Variants in MYH7 observed in about 807,000 individuals in gnomAD.
MYH7 encodes myosin-7.
In MYH7, 129 loss-of-function variants were observed where a neutral mutation model predicts 225.4. The ratio of observed to expected loss-of-function variants is 0.57; its 90% CI spans 0.50 to 0.66. The LOEUF (loss-of-function observed/expected upper bound fraction) is 0.66, where lower values mean the gene tolerates loss of function less well. Ranked by LOEUF, MYH7 falls within the 30% of genes least tolerant of loss-of-function variation. The pLI is 0.00. For synonymous variants in MYH7, 971 were observed against 1,007.6 expected (o/e 0.96, Z 0.69); for missense variants, 1,649 against 2,517.0 (o/e 0.66, Z 7.38).
chr14:23,433,033 T>G lies in MYH7; in HGVS notation c.345+51A>C, dbSNP rs912858232. ...ACACTCTTGGCTCCTGGGGTGGACA[T>G]GGATGGAGCAAGAACAGAGATCCCA... On this transcript the variant is annotated intron_variant, in intron 4 of 39. Transcript: ENST00000355349. The surrounding 1 kb of genome is among the most constrained non-coding windows in gnomAD (Gnocchi z 4.1). 1.2e-6 allele frequency: 2 copies of G among 1,613,064 alleles called. No individual in the cohort carries two copies. Among genetic ancestry groups the G allele is most frequent in the East Asian group, 4.5e-5 (2 of 44,876 alleles).
rs2138675864 is a variant in MYH7 at position 23,429,265 on chromosome 14, G to C, written c.1221C>G (p.Gly407=). ...KGLCHPRVKV[G]NEYVTKGQNV... is the part of the protein sequence containing the mutation. The stretch of plus-strand genomic sequence containing the variant: ...TCTGCCCCTTGGTGACGTACTCATT[G>C]CCCACTTTCACCCGAGGGTGGCACA... Residue 407 remains glycine, a synonymous_variant, in exon 13 of 40, where the codon GGC becomes GGG. Coordinates refer to ENST00000355349, the MANE Select transcript of MYH7 (RefSeq NM_000257.4). 1 of 1,613,978 alleles carries C rather than the reference G, an allele frequency of 6.2e-7. No individual in the cohort carries two copies. Among genetic ancestry groups the C allele is most frequent in the Non-Finnish European group, 8.5e-7 (1 of 1,179,920 alleles).
At position 23,431,642 on chromosome 14, in the gene MYH7, A is replaced by G. The variant is rs1219883935; in HGVS notation, c.675T>C (p.Pro225=). Residue 225 remains proline (P), a synonymous_variant, in exon 8 of 40, where the codon CCT becomes CCC. Transcript: ENST00000355349. ...TLEDQIIQAN[P]ALEAFGNAKT... ...TGGCATTGCCAAAGGCCTCCAGAGC[A>G]GGGTTGGCCTGGATGATCTGGTCCT... 3.1e-6 allele frequency: 5 copies of G among 1,614,144 alleles called. No individual in the cohort carries two copies. The Admixed American group carries it at 6.7e-5, about 22-fold the overall frequency.
At position 23,427,569 on chromosome 14, in the gene MYH7, C is replaced by T; in HGVS notation, c.1888+16G>A. 5 of 1,613,682 alleles carry T rather than the reference C, an allele frequency of 3.1e-6. No homozygotes were observed. Among genetic ancestry groups the T allele is most frequent in the Non-Finnish European group, 4.2e-6 (5 of 1,179,886 alleles). The stretch of plus-strand genomic sequence containing the variant: ...ATCCCTGCTCCTCTGTACCGGGAGC[C>T]TCAGTCCCTACTTACGCGCATCAGC... On this transcript the variant is annotated intron_variant, in intron 16 of 39. Transcript: ENST00000355349.
chr14:23,417,611 C>T lies in MYH7; in HGVS notation c.4245G>A (p.Glu1415=), dbSNP rs756862819. Reference sequence around the variant, plus strand: ...CATTCTGTAGCCGGTGCTTGGTCTTCTCCAGCGAGGAGCACTTGGCATTAA... The same window carrying T: ...CATTCTGTAGCCGGTGCTTGGTCTTTTCCAGCGAGGAGCACTTGGCATTAA... ...EAVNAKCSSL[E]KTKHRLQNEI... is the part of the protein sequence containing the mutation. Residue 1415 remains glutamate, a synonymous_variant, in exon 31 of 40, where the codon GAG becomes GAA. Coordinates refer to ENST00000355349, the MANE Select transcript of MYH7 (RefSeq NM_000257.4). 1 of 1,612,900 alleles carries T rather than the reference C, an allele frequency of 6.2e-7. No homozygotes were observed. The highest frequency in any genetic ancestry group is 8.5e-7 in the Non-Finnish European group (1 of 1,180,046).
chr14:23,413,168 G>C (rs565195209), intron 39 of MYH7, among the ~76,000 whole-genome samples: 1 of 152,206 alleles, frequency 6.6e-6, no homozygotes, highest in Non-Finnish European at 1.5e-5. Flanking sequence ...GACAAAATTA[G>C]GTGGAAGGGA....
In MYH7 at chr14:23,415,512, T is replaced by C. The variant is rs761917114; in HGVS notation, c.5158-6A>G. 1 of 1,614,108 alleles carries C rather than the reference T, an allele frequency of 6.2e-7. No individual in the cohort carries two copies. Among genetic ancestry groups the C allele is most frequent in the Non-Finnish European group, 8.5e-7 (1 of 1,180,028 alleles). On this transcript the variant is annotated splice_polypyrimidine_tract_variant and splice_region_variant and intron_variant, in intron 35 of 39. Transcript: ENST00000355349. This position sits in a 1 kb window ranked among gnomAD's most constrained non-coding sequence, Gnocchi z 6.3. The stretch of plus-strand genomic sequence containing the variant: ...TGGTTGATGAGGCTGGTGTTCTGGG[T>C]TGGGGGAGGGTTGGGCAGAGCAGGA...
Position 23,419,919 on chromosome 14 carries a change from C to G in MYH7, c.3652G>C (p.Glu1218Gln), listed in dbSNP as rs1170782159. The G allele has an allele frequency of 6.2e-7, 1 of 1,612,654 alleles. No homozygotes were observed. Among genetic ancestry groups the G allele is most frequent in the Non-Finnish European group, 8.5e-7 (1 of 1,179,206 alleles). The stretch of plus-strand genomic sequence containing the variant: ...AGCTTGAACTCGCTCTTCTCCTTCT[C>G]CAGCTTCTGCTTCACCCGCTGCAGG... ...DNLQRVKQKL[E>Q]KEKSEFKLEL... The change falls in exon 27 of 40, where the codon GAG becomes CAG. Residue 1218 changes from glutamate to glutamine, a missense_variant. Glu to Gln is a conservative substitution (Grantham distance 29). Around this residue, in one of 12 missense-constraint regions of MYH7, gnomAD observed 106 missense variants for 198.8 expected, o/e 0.53. Coordinates refer to ENST00000355349, the MANE Select transcript of MYH7 (RefSeq NM_000257.4).
intron 39 of MYH7, among the ~76,000 whole-genome samples, chr14:23,413,549 A>T (rs1204623708): frequency 6.8e-6 from 1 of 147,878 alleles, no homozygotes; most frequent in Non-Finnish European, 1.5e-5. Flanking sequence ...CCTGGGCGGC[A>T]GAGTGAGACA....
rs754797395 is a variant in MYH7 at position 23,412,901 on chromosome 14, C to A, written c.5791-30G>T. On this transcript the variant is annotated intron_variant, in intron 39 of 39. Coordinates refer to ENST00000355349, the MANE Select transcript of MYH7 (RefSeq NM_000257.4). ...TGAAAGGAAACAAAGTCCAATCAGT[C>A]CTTGGAGAGATGGTATTGGGCAGGG... 5 of 1,612,486 alleles carry A rather than the reference C, an allele frequency of 3.1e-6. No individual in the cohort carries two copies. In the South Asian group the frequency reaches 3.3e-5, roughly 11 times the overall value.
At chr14:23,413,980 G>A in intron 38 of MYH7, 27 bp downstream of exon 38, 1 of 1,614,096 alleles carries the variant, frequency 6.2e-7, no homozygotes, top group Non-Finnish European at 8.5e-7. Context: ...GCCTCCCCTG[G>A]GCCTAGTCCC....
At position 23,416,056 on chromosome 14, in the gene MYH7, C is replaced by T. The variant is rs545875689; in HGVS notation, c.4901G>A (p.Arg1634His). The T allele has an allele frequency of 9.9e-6, 16 of 1,614,196 alleles. No individual in the cohort carries two copies. Among genetic ancestry groups the T allele is most frequent in the East Asian group, 4.5e-5 (2 of 44,888 alleles). Reference protein sequence around the residue: ...EMEIQLSHANRMAAEAQKQVK... With the variant: ...EMEIQLSHANHMAAEAQKQVK... ...TTGCTTCTGGGCCTCGGCGGCCATGCGGTTGGCGTGGCTGAGCTGGATCTC... is the reference window on the plus strand; with the variant it reads ...TTGCTTCTGGGCCTCGGCGGCCATGTGGTTGGCGTGGCTGAGCTGGATCTC... The change falls in exon 34 of 40, where the codon CGC becomes CAC. Residue 1634 changes from arginine to histidine, a missense_variant. Arg to His is a conservative substitution (Grantham distance 29). Coordinates refer to ENST00000355349, the MANE Select transcript of MYH7 (RefSeq NM_000257.4).
rs544452304 is a variant in MYH7 at position 23,415,253 on chromosome 14, C to T, written c.5301G>A (p.Glu1767=). The T allele has an allele frequency of 1.2e-6, 2 of 1,614,268 alleles. No individual in the cohort carries two copies. The highest frequency in any genetic ancestry group is 2.7e-5 in the African/African-American group (2 of 75,074). The change falls in exon 37 of 40, where the codon GAG becomes GAA. Residue 1767 remains glutamate, a synonymous_variant. Transcript: ENST00000355349. This position sits in a 1 kb window ranked among gnomAD's most constrained non-coding sequence, Gnocchi z 6.3. ...KAITDAAMMA[E]ELKKEQDTSA... ...TGGTGTCCTGCTCCTTCTTCAGCTC[C>T]TCTGCCATCATGGCGGCCTGTGTGC...
At chr14:23,418,509 C>T (rs111900974) in intron 29 of MYH7, 103 bp from the exon 30 acceptor site, 16 of 1,346,072 alleles carry the variant, frequency 1.2e-5, no homozygotes, top group African/African-American at 1.0e-4. Context: ...CCCTTGGCCT[C>T]ATCTATGTCC....
rs145734640 is a variant in MYH7 at position 23,415,096 on chromosome 14, G to T, written c.5458C>A (p.Arg1820=). The T allele has an allele frequency of 1.6e-5, 26 of 1,613,880 alleles. No homozygotes were observed. Among genetic ancestry groups the T allele is most frequent in the Non-Finnish European group, 2.1e-5 (25 of 1,180,036 alleles). The change falls in exon 37 of 40, where the codon CGG becomes AGG. Residue 1820 remains arginine, a synonymous_variant. Transcript: ENST00000355349. The surrounding 1 kb of genome is among the most constrained non-coding windows in gnomAD (Gnocchi z 6.3). ...KQLQKLEARV[R]ELENELEAEQ... ...GCCTCCAGCTCATTCTCCAGCTCCC[G>T]CACCCGCGCTTCCAGCTTCTGCAGC...
In MYH7 at chr14:23,425,599, A is replaced by G. The variant is rs1470140356; in HGVS notation, c.2286+96T>C. 10 of 1,602,072 alleles carry G rather than the reference A, an allele frequency of 6.2e-6. No homozygotes were observed. The highest frequency in any genetic ancestry group is 8.5e-6 in the Non-Finnish European group (10 of 1,172,668). ...CCACTGGGAGGGGTAGCATACAGGTAAGAGATTTTGCTAAGATGATTACAA... is the reference window on the plus strand; with the variant it reads ...CCACTGGGAGGGGTAGCATACAGGTGAGAGATTTTGCTAAGATGATTACAA... On this transcript the variant is annotated intron_variant, in intron 20 of 39. Transcript: ENST00000355349. The surrounding 1 kb of genome is among the most constrained non-coding windows in gnomAD (Gnocchi z 4.6).
chr14:23,419,144 G>C (rs1439797444), intron 29 of MYH7, 33 bp downstream of exon 29: 2 of 1,592,536 alleles, frequency 1.3e-6, no homozygotes, highest in African/African-American at 1.3e-5. Flanking sequence ...TGTGCTCCTT[G>C]CTTGGGCCAG....
chr14:23,424,787 C>A lies in MYH7; in HGVS notation c.2661G>T (p.Leu887=). The stretch of plus-strand genomic sequence containing the variant: ...GCCTCACCGCCTGCACTTGGAGCTG[C>A]AGGTCATTCTTCTCCTGCAGCAGGG... ...MVSLLQEKND[L]QLQVQAEQDN... The change falls in exon 22 of 40, where the codon CTG becomes CTT. Residue 887 remains leucine (L), a synonymous_variant. Coordinates refer to ENST00000355349, the MANE Select transcript of MYH7 (RefSeq NM_000257.4). The A allele has an allele frequency of 6.2e-7, 1 of 1,614,164 alleles. No individual in the cohort carries two copies. The highest frequency in any genetic ancestry group is 1.1e-5 in the South Asian group (1 of 91,086).
intron 30 of MYH7, 107 bp from the exon 31 acceptor site, chr14:23,417,793 G>A: frequency 6.9e-7 from 1 of 1,454,548 alleles, no homozygotes. Context: ...CCTCAGAAGT[G>A]TAGCTGGAGA....
intron 14 of MYH7, 46 bp from the exon 15 acceptor site, chr14:23,428,716 G>C: frequency 1.2e-6 from 2 of 1,613,398 alleles, no homozygotes; most frequent in East Asian, 2.2e-5. Context: ...GTGGGTGTGA[G>C]TGGCCATTGG....
Sources: gnomAD v4.1 joint callset for allele counts (sites outside exome capture counted in the v4.1 genomes callset) on GRCh38, gnomAD v4.1.1 for gene constraint, gnomAD v4.1.1 regional missense constraint, Gnocchi (gnomAD v3.1) non-coding constraint, MANE v1.5 for transcripts, NCBI Gene and HGNC (gene_info 2026-07-23, HGNC 2026-07-21) for gene names.